The following BARHL2 variants were observed in gnomAD, a reference collection of about 807,000 sequenced individuals.
BARHL2 encodes BarH like homeobox 2, also known as barH-like 2 homeobox protein.
BARHL2 carries 10 observed loss-of-function variants against 27.1 expected under a neutral mutation model. That is an observed-to-expected ratio of 0.37 (90% CI 0.23 to 0.63). The LOEUF (loss-of-function observed/expected upper bound fraction) is 0.63. Ranked by LOEUF, BARHL2 falls within the 20% of genes least tolerant of loss-of-function variation. The probability of loss-of-function intolerance (pLI) is 0.65; values close to 1 mark genes in which losing one functional copy is unlikely to be tolerated. For synonymous variants in BARHL2, 248 were observed against 224.7 expected, an observed-to-expected ratio of 1.10 and a Z score of -0.93; for missense variants, 483 against 533.5, an observed-to-expected ratio of 0.91 and a Z score of 0.93.
intron 1 of BARHL2, among the ~76,000 whole-genome samples, chr1:90,715,619 A>C (rs1658128397): frequency 6.6e-6 from 1 of 152,162 alleles, no homozygotes; most frequent in Non-Finnish European, 1.5e-5. Flanking sequence ...TGCTAATGCT[A>C]TAATAGTAAA....
intron 1 of BARHL2, among the ~76,000 whole-genome samples, chr1:90,715,756 T>C (rs1271043617): frequency 6.6e-6 from 1 of 152,140 alleles, no homozygotes; most frequent in Non-Finnish European, 1.5e-5. Flanking sequence ...ACTTTTGCCA[T>C]GCAAAGACTA....
intron 1 of BARHL2, among the ~76,000 whole-genome samples, chr1:90,715,052 G>C (rs1658115600): frequency 2.0e-5 from 3 of 151,962 alleles, no homozygotes; most frequent in Admixed American, 2.0e-4. Flanking sequence ...TAAAACTTTT[G>C]AAAAGGGTTA....
chr1:90,713,854 C>T (rs1658087939), intron 2 of BARHL2, among the ~76,000 whole-genome samples: 1 of 152,208 alleles, frequency 6.6e-6, no homozygotes, highest in Non-Finnish European at 1.5e-5. Context: ...CACTCTAGCT[C>T]CATGTTGAGA....
rs1658133989 is a variant in BARHL2, at chr1:90,715,859, AAG to A, written c.625+710_625+711del. Among the ~76,000 whole-genome samples, 11 of 149,164 alleles carry A rather than the reference AAG, an allele frequency of 7.4e-5. No homozygotes were observed. In the South Asian group the frequency reaches 2.3e-3, roughly 32 times the overall value. ...TCATCTTATTTTTTTTTTAACAAAA[AAG>A]AGATTAATCCAATTTCATAAGATTT... On this transcript the variant is annotated intron_variant, in intron 1 of 2. Transcript: ENST00000370445.
Position 90,716,974 on chromosome 1 carries a change from C to T in BARHL2, c.222G>A (p.Glu74=). ...SPISVTMEPP[E]PHLVADATQH... Reference sequence around the variant, plus strand: ...GGGTCGCGTCTGCTACCAGATGCGGCTCCGGGGGCTCCATGGTGACTGAGA... The same window carrying T: ...GGGTCGCGTCTGCTACCAGATGCGGTTCCGGGGGCTCCATGGTGACTGAGA... The change falls in exon 1 of 3, where the codon GAG becomes GAA. Residue 74 remains glutamate, a synonymous_variant. Transcript: ENST00000370445. The T allele has an allele frequency of 6.2e-7, 1 of 1,613,446 alleles. No individual in the cohort carries two copies. The highest frequency in any genetic ancestry group is 8.5e-7 in the Non-Finnish European group (1 of 1,179,760).
rs1188264266 is a variant in BARHL2 at position 90,717,062 on chromosome 1, C to T, written c.134G>A (p.Ser45Asn). 1 of 1,614,000 alleles carries T rather than the reference C, an allele frequency of 6.2e-7. No individual in the cohort carries two copies. Among genetic ancestry groups the T allele is most frequent in the Middle Eastern group, 1.6e-4 (1 of 6,062 alleles). ...LGEARTADFR[S>N]QATPSPCSEI... is the part of the protein sequence containing the mutation. ...CGAACAGGGAGATGGGGTGGCCTGA[C>T]TCCTAAAATCCGCGGTCCTGGCCTC... is the stretch of plus-strand genomic sequence containing the variant. Residue 45 changes from serine (S) to asparagine (N), a missense_variant, in exon 1 of 3, where the codon AGT (serine) becomes AAT (asparagine). By Grantham distance (46) the Ser-to-Asn change is conservative. Around this residue, in one of 3 missense-constraint regions of BARHL2, gnomAD observed 304 missense variants for 284.9 expected, o/e 1.07. Transcript: ENST00000370445.
intron 2 of BARHL2, among the ~76,000 whole-genome samples, chr1:90,712,880 C>T (rs902331240): frequency 2.0e-5 from 3 of 152,166 alleles, no homozygotes; most frequent in Non-Finnish European, 2.9e-5. Flanking sequence ...ATCCTACAGG[C>T]CTTGCTTCCT....
In BARHL2 at chr1:90,711,820, CTCT is replaced by C. The variant is rs1418344336; in HGVS notation, c.*489_*491del. 2 of 152,244 alleles carry C rather than the reference CTCT, an allele frequency of 1.3e-5. No individual in the cohort carries two copies. The highest frequency in any genetic ancestry group is 6.6e-5 in the Admixed American group (1 of 15,246). 9.4% of individuals were successfully genotyped at this position (152,244 alleles called of 1,614,324 possible). On this transcript the variant is annotated 3_prime_UTR_variant, in exon 3 of 3. Coordinates refer to ENST00000370445, the MANE Select transcript of BARHL2 (RefSeq NM_020063.2). ...CAGTGCAAAGTTCTCAGTTACCCTC[CTCT>C]TTTCTCTGGGGCAGACGGAATGTCC...
At chr1:90,712,723 T>C in intron 2 of BARHL2, 99 bp from the exon 3 acceptor site, 1 of 1,228,596 alleles carries the variant, frequency 8.1e-7, no homozygotes, top group Non-Finnish European at 1.1e-6. Context: ...TCCTCCTTCA[T>C]TCTCCCTGGG....
In BARHL2 at chr1:90,717,156, C is replaced by T; in HGVS notation, c.40G>A (p.Asp14Asn). The T allele has an allele frequency of 6.2e-7, 1 of 1,613,732 alleles. No individual in the cohort carries two copies. Among genetic ancestry groups the T allele is most frequent in the Non-Finnish European group, 8.5e-7 (1 of 1,179,936 alleles). Residue 14 changes from aspartate to asparagine, a missense_variant, in exon 1 of 3, where the codon GAC (aspartate) becomes AAC (asparagine). This residue lies in a region of BARHL2 where 304 missense variants were observed against 284.9 expected (regional missense o/e 1.07). Transcript: ENST00000370445. Reference protein sequence around the residue: ...EGASGSSFGIDTILSSASSGS... With the variant: ...EGASGSSFGINTILSSASSGS... ...GAACTGGCACTGGACAAAATCGTGT[C>T]TATTCCAAAACTCGACCCGCTGGCC...
Position 90,712,920 on chromosome 1 carries a change from C to G in BARHL2, c.852-296G>C, listed in dbSNP as rs570293491. 2.6e-5 allele frequency among the ~76,000 whole-genome samples: 4 copies of G among 152,304 alleles called. No individual in the cohort carries two copies. In the East Asian group the frequency reaches 5.8e-4, roughly 22 times the overall value. ...CTAAACCTCTGCTCTGCTGTCGCCC[C>G]CCTTGTAGTTTGGCTACTTCTGGAA... On this transcript the variant is annotated intron_variant, in intron 2 of 2. Transcript: ENST00000370445.
chr1:90,717,118 G>A lies in BARHL2; in HGVS notation c.78C>T (p.Gly26=). ...ILSSASSGSP[G]MMNGDFRPLG... is the part of the protein sequence containing the mutation. ...GCGGGCGGAAATCTCCATTCATCAT[G>A]CCTGGGCTGCCTGAACTGGCACTGG... Residue 26 remains glycine (G), a synonymous_variant, in exon 1 of 3, where the codon GGC becomes GGT. Transcript: ENST00000370445. 1.2e-6 allele frequency: 2 copies of A among 1,613,936 alleles called. No homozygotes were observed. Among genetic ancestry groups the A allele is most frequent in the South Asian group, 1.1e-5 (1 of 91,032 alleles).
rs1658045389 is a variant in BARHL2 at position 90,712,168 on chromosome 1, TA to T, written c.*143del. 1 of 902,158 alleles carries T rather than the reference TA, an allele frequency of 1.1e-6. No individual in the cohort carries two copies. Among genetic ancestry groups the T allele is most frequent in the East Asian group, 2.8e-5 (1 of 35,450 alleles). The allele number at this position is 902,158 out of a possible 1,614,324, so 55.9% of individuals were successfully genotyped here. A position where few individuals can be genotyped will look rare whatever the true frequency, so the allele number is the denominator to read the frequency against. Reference sequence around the variant, plus strand: ...TCTTTGGGGGTCCCCTGCCCACTGGTAAGCATCTTCCTCTCTTACTCCTCTG... The same window carrying T: ...TCTTTGGGGGTCCCCTGCCCACTGGTAGCATCTTCCTCTCTTACTCCTCTG... On this transcript the variant is annotated 3_prime_UTR_variant, in exon 3 of 3. Coordinates refer to ENST00000370445, the MANE Select transcript of BARHL2 (RefSeq NM_020063.2).
Position 90,716,865 on chromosome 1 carries a change from G to T in BARHL2, c.331C>A (p.Gln111Lys). 6.4e-7 allele frequency: 1 copy of T among 1,566,722 alleles called. No individual in the cohort carries two copies. Among genetic ancestry groups the T allele is most frequent in the Non-Finnish European group, 8.6e-7 (1 of 1,156,874 alleles). The change falls in exon 1 of 3, where the codon CAG becomes AAG. Residue 111 changes from glutamine (Q) to lysine (K), a missense_variant. Transcript: ENST00000370445. ...PTQSLQPLPQ[Q>K]QQPLPPQQPP... ...TGCTGTGGCGGCAGCGGCTGCTGCT[G>T]TTGGGGCAAAGGCTGCAAACTTTGC...
intron 1 of BARHL2, 44 bp downstream of exon 1, chr1:90,716,527 G>A (rs763244771): frequency 1.1e-4 from 180 of 1,591,156 alleles, no homozygotes; most frequent in Non-Finnish European, 1.5e-4. Context: ...TGGGAACCAG[G>A]AGGACAAGCT....
At position 90,716,629 on chromosome 1, in the gene BARHL2, C is replaced by T; in HGVS notation, c.567G>A (p.Glu189=). 2 of 1,614,196 alleles carry T rather than the reference C, an allele frequency of 1.2e-6. No individual in the cohort carries two copies. Among genetic ancestry groups the T allele is most frequent in the Non-Finnish European group, 1.7e-6 (2 of 1,180,044 alleles). The change falls in exon 1 of 3, where the codon GAG becomes GAA. Residue 189 remains glutamate, a synonymous_variant. Coordinates refer to ENST00000370445, the MANE Select transcript of BARHL2 (RefSeq NM_020063.2). ...GCTTGTCGAGTTTGGTCTTGCTGTC[C>T]TCCTGCTCGAGCTTTGGCCTGAAGC... ...HESFRPKLEQ[E]DSKTKLDKRE...
In BARHL2 at chr1:90,712,057, A is replaced by G. The variant is rs559600022; in HGVS notation, c.*255T>C. On this transcript the variant is annotated 3_prime_UTR_variant, in exon 3 of 3. Coordinates refer to ENST00000370445, the MANE Select transcript of BARHL2 (RefSeq NM_020063.2). ...TACTGGTTGCACTCTGTGTGGGGTCAGCATTTTCACCAGTCACACTGCTGT... is the reference window on the plus strand; with the variant it reads ...TACTGGTTGCACTCTGTGTGGGGTCGGCATTTTCACCAGTCACACTGCTGT... The G allele has an allele frequency of 2.6e-6, 1 of 380,688 alleles. No individual in the cohort carries two copies. Among genetic ancestry groups the G allele is most frequent in the Non-Finnish European group, 4.6e-6 (1 of 215,138 alleles). The allele number at this position is 380,688 out of a possible 1,614,324, so 23.6% of individuals were successfully genotyped here. A position where few individuals can be genotyped will look rare whatever the true frequency, so the allele number is the denominator to read the frequency against.
intron 2 of BARHL2, 64 bp downstream of exon 2, chr1:90,714,467 A>G: frequency 6.8e-7 from 1 of 1,465,026 alleles, no homozygotes. Context: ...AGGGAAGAAG[A>G]TTGGTATAAT....
rs1284564241 is a variant in BARHL2, at chr1:90,716,610, C to T, written c.586G>A (p.Asp196Asn). The T allele has an allele frequency of 6.2e-7, 1 of 1,614,074 alleles. No homozygotes were observed. Among genetic ancestry groups the T allele is most frequent in the African/African-American group, 1.3e-5 (1 of 74,932 alleles). The change falls in exon 1 of 3, where the codon GAC becomes AAC. Residue 196 changes from aspartate (D) to asparagine (N), a missense_variant. By Grantham distance (23) the Asp-to-Asn change is conservative. Around this residue, in one of 3 missense-constraint regions of BARHL2, gnomAD observed 304 missense variants for 284.9 expected, o/e 1.07. Transcript: ENST00000370445. ...TCGCTCTGGGAATCCTCCCGCTTGT[C>T]GAGTTTGGTCTTGCTGTCCTCCTGC... is the stretch of plus-strand genomic sequence containing the variant. ...LEQEDSKTKL[D>N]KREDSQSDIK...
Sources: gnomAD v4.1 joint callset for allele counts (sites outside exome capture counted in the v4.1 genomes callset) on GRCh38, gnomAD v4.1.1 for gene constraint, gnomAD v4.1.1 regional missense constraint, MANE v1.5 for transcripts, NCBI Gene and HGNC (gene_info 2026-07-23, HGNC 2026-07-21) for gene names.